The following HYDIN variants were observed in gnomAD, a reference collection of about 807,000 sequenced individuals.
The protein encoded by HYDIN is HYDIN axonemal central pair apparatus protein, also known as axonemal central pair apparatus protein HYDIN.
Under a neutral mutation model 403.9 loss-of-function variants are expected in HYDIN, and 132 were observed. The observed-to-expected ratio is 0.33, with a 90% CI of 0.28 to 0.38. The LOEUF is 0.38. Among genes scored for constraint, HYDIN ranks in the 10% least tolerant of loss-of-function variants. The pLI is 1.00. For synonymous variants in HYDIN, 1,202 were observed against 1,891.7 expected, an observed-to-expected ratio of 0.64 and a Z score of 9.46; for missense variants, 2,827 against 5,009.5, an observed-to-expected ratio of 0.56 and a Z score of 13.15.
At chr16:71,027,139 T>G (rs2080735532) in intron 20 of HYDIN, 1 of 1,042,586 alleles carries the variant, frequency 9.6e-7, no homozygotes, top group African/African-American at 1.7e-5. Flanking sequence ...CTTTTATTAA[T>G]GCATAAAAAG....
intron 5 of HYDIN, among the ~76,000 whole-genome samples, chr16:71,169,231 G>A (rs768437520): frequency 1.1e-4 from 17 of 152,108 alleles, no homozygotes; most frequent in Non-Finnish European, 2.4e-4. Flanking sequence ...TTCGAGACCA[G>A]CCTGGACAAC....
At chr16:70,843,909 ATTTG>A (rs1362599641) in intron 75 of HYDIN, among the ~76,000 whole-genome samples, 1 of 134,804 alleles carries the variant, frequency 7.4e-6, no homozygotes, top group Non-Finnish European at 1.5e-5. Context: ...TTTCTTGTAA[ATTTG>A]TTTGAGTTCA....
At chr16:71,195,982 T>G (rs868515284) in intron 1 of HYDIN, among the ~76,000 whole-genome samples, 41 of 152,164 alleles carry the variant, frequency 2.7e-4, no homozygotes, top group Admixed American at 1.6e-3. Flanking sequence ...CTAAGGACCA[T>G]GTAGGAAGAA....
At chr16:70,932,009 CAAAAAAAAAAA>C (rs57391181) in intron 45 of HYDIN, among the ~76,000 whole-genome samples, 3 of 29,072 alleles carry the variant, frequency 1.0e-4, no homozygotes, top group African/African-American at 5.9e-4. Context: ...AGACTTGTAT[CAAAAAAAAAAA>C]AAAAAAAAAA....
At chr16:70,970,467 G>C in intron 36 of HYDIN, 53 bp downstream of exon 36, 1 of 1,594,860 alleles carries the variant, frequency 6.3e-7, no homozygotes, top group Non-Finnish European at 8.6e-7. Flanking sequence ...AAGAATTCAA[G>C]GGGAAAAAGA....
At chr16:70,894,377 C>T (rs1410071761) in intron 55 of HYDIN, 72 bp downstream of exon 55, 9 of 1,601,500 alleles carry the variant, frequency 5.6e-6, no homozygotes, top group African/African-American at 4.0e-5. Flanking sequence ...TACCTGAACA[C>T]GATCTCATAT....
intron 42 of HYDIN, among the ~76,000 whole-genome samples, chr16:70,942,855 T>TG (rs2077724889): frequency 6.7e-6 from 1 of 148,834 alleles, no homozygotes; most frequent in African/African-American, 2.5e-5. Context: ...TGGCTTACTT[T>TG]GGGGCCTTAC....
At chr16:71,222,922 C>T (rs761689125) in intron 1 of HYDIN, among the ~76,000 whole-genome samples, 3 of 151,992 alleles carry the variant, frequency 2.0e-5, no homozygotes, top group Admixed American at 6.6e-5. Flanking sequence ...CTACCCAAAG[C>T]GATTCCCATC....
chr16:70,838,145 T>C (rs1294573286), intron 76 of HYDIN, among the ~76,000 whole-genome samples: 2 of 152,112 alleles, frequency 1.3e-5, no homozygotes, highest in Non-Finnish European at 2.9e-5. Context: ...CTCATCACCC[T>C]TTGCCCAATA....
intron 1 of HYDIN, among the ~76,000 whole-genome samples, chr16:71,214,665 G>T (rs1473820559): frequency 6.6e-6 from 1 of 152,158 alleles, no homozygotes; most frequent in Non-Finnish European, 1.5e-5. Context: ...TGACCAGTGG[G>T]AGACAGACAG....
At chr16:71,127,304 C>A (rs28375609) in intron 9 of HYDIN, among the ~76,000 whole-genome samples, 3,851 of 144,028 alleles carry the variant, frequency 0.027, 144 homozygotes, top group African/African-American at 0.094. Context: ...GTGAATATTT[C>A]TGCCTATTTC....
chr16:71,206,044 A>T (rs1186117995), intron 1 of HYDIN, among the ~76,000 whole-genome samples: 2 of 152,082 alleles, frequency 1.3e-5, no homozygotes, highest in East Asian at 3.9e-4. Flanking sequence ...ATTGCTTTGG[A>T]AACACCCAGA....
chr16:71,123,918 G>T (rs2084352073), intron 9 of HYDIN, among the ~76,000 whole-genome samples: 1 of 152,224 alleles, frequency 6.6e-6, no homozygotes, highest in Admixed American at 6.5e-5. Context: ...ACATGGAACT[G>T]TGAGTCCATT....
intron 18 of HYDIN, among the ~76,000 whole-genome samples, chr16:71,042,370 G>A (rs926798012): frequency 6.6e-6 from 1 of 151,696 alleles, no homozygotes; most frequent in African/African-American, 2.4e-5. Context: ...GTACTCTACT[G>A]CTACTTCTTA....
In HYDIN at chr16:70,804,076, G is replaced by A. The variant is rs1172072121; in HGVS notation, c.*3504C>T. 6.6e-6 allele frequency among the ~76,000 whole-genome samples: 1 copy of A among 152,162 alleles called. No individual in the cohort carries two copies. The highest frequency in any genetic ancestry group is 1.5e-5 in the Non-Finnish European group (1 of 68,034). ...TAAGCTACTTTGCCATTCCAAATTTGCTAATATAAGACTATTTTGTTATTG... is the reference window on the plus strand; with the variant it reads ...TAAGCTACTTTGCCATTCCAAATTTACTAATATAAGACTATTTTGTTATTG... On this transcript the variant is annotated 3_prime_UTR_variant, in exon 86 of 86. Transcript: ENST00000393567.
chr16:71,161,423 T>C (rs1444872782), intron 6 of HYDIN, among the ~76,000 whole-genome samples: 1 of 152,098 alleles, frequency 6.6e-6, no homozygotes, highest in Non-Finnish European at 1.5e-5. Context: ...GGCCCGGGGG[T>C]TGGGGACACC....
intron 23 of HYDIN, among the ~76,000 whole-genome samples, chr16:71,015,570 C>T (rs1401224834): frequency 6.6e-6 from 1 of 151,052 alleles, no homozygotes; most frequent in East Asian, 2.0e-4. Flanking sequence ...TCATTCCAAA[C>T]CCAAACAGTC....
Position 71,129,716 on chromosome 16 carries a change from G to T in HYDIN, c.1151C>A (p.Thr384Asn), listed in dbSNP as rs2144512637. ...CACCAGCCTCCTCTGATTCGCAAAGGTTCGGGACAGAACAGAAAGATGTTC... is the reference window on the plus strand; with the variant it reads ...CACCAGCCTCCTCTGATTCGCAAAGTTTCGGGACAGAACAGAAAGATGTTC... ...LREHLSVLSR[T>N]FANQRRLVQG... Residue 384 changes from threonine to asparagine, a missense_variant, in exon 9 of 86, where the codon ACC (threonine) becomes AAC (asparagine). Physicochemically the swap from Thr to Asn is moderately conservative, Grantham distance 65. Coordinates refer to ENST00000393567, the MANE Select transcript of HYDIN (RefSeq NM_001270974.2). 1.9e-6 allele frequency: 3 copies of T among 1,614,186 alleles called. No individual in the cohort carries two copies. In the African/African-American group the frequency reaches 4.0e-5, roughly 22 times the overall value.
chr16:71,035,725 T>G (rs1247345977), intron 18 of HYDIN, among the ~76,000 whole-genome samples: 2 of 152,182 alleles, frequency 1.3e-5, no homozygotes, highest in African/African-American at 2.4e-5. Flanking sequence ...TGGGCCCACA[T>G]GAATTCCAAT....
Sources: allele counts gnomAD v4.1 joint callset (sites outside exome capture counted in the v4.1 genomes callset), GRCh38; gene constraint gnomAD v4.1.1; transcripts MANE v1.5; gene names NCBI Gene and HGNC (gene_info 2026-07-23, HGNC 2026-07-21).